The following STOX1 variants were observed in gnomAD, a reference collection of about 807,000 sequenced individuals.
The protein encoded by STOX1 is storkhead-box protein 1.
Under a neutral mutation model 74.8 loss-of-function variants are expected in STOX1, and 57 were observed. The observed-to-expected ratio is 0.76, with a 90% CI of 0.62 to 0.95. The LOEUF (loss-of-function observed/expected upper bound fraction) is 0.95. Ranked by LOEUF, STOX1 falls within the 40% of genes least tolerant of loss-of-function variation. The probability of loss-of-function intolerance (pLI) is 0.00; values close to 1 mark genes in which losing one functional copy is unlikely to be tolerated. For synonymous variants in STOX1, 375 were observed against 401.3 expected (o/e 0.93, Z 0.78); for missense variants, 1,010 against 1,117.0 (o/e 0.90, Z 1.37).
chr10:68,885,926 T>G lies in STOX1; in HGVS notation c.2130T>G (p.Asn710Lys). The G allele has an allele frequency of 6.2e-7, 1 of 1,614,094 alleles. No individual in the cohort carries two copies. Among genetic ancestry groups the G allele is most frequent in the Non-Finnish European group, 8.5e-7 (1 of 1,180,024 alleles). Residue 710 changes from asparagine to lysine, a missense_variant, in exon 3 of 4, where the codon AAT becomes AAG. Transcript: ENST00000298596. ...VQDAETTSLE[N>K]EQLSNDDQAL... ...ATGCAGAGACTACAAGCCTAGAAAA[T>G]GAACAGCTTTCTAACGATGACCAGG...
At chr10:68,872,724 G>A (rs1385007889) in intron 1 of STOX1, among the ~76,000 whole-genome samples, 1 of 152,062 alleles carries the variant, frequency 6.6e-6, no homozygotes, top group East Asian at 1.9e-4. Context: ...TAGGATGTGG[G>A]TGCTTTTTGA....
downstream of STOX1, among the ~76,000 whole-genome samples, chr10:68,895,090 A>G (rs1207017806): frequency 2.6e-5 from 4 of 152,188 alleles, no homozygotes; most frequent in Admixed American, 6.5e-5. Flanking sequence ...TGAATTTCCC[A>G]TTGTTTAGGG....
chr10:68,888,593 G>T (rs1486735579), intron 3 of STOX1, among the ~76,000 whole-genome samples: 1 of 147,838 alleles, frequency 6.8e-6, no homozygotes, highest in African/African-American at 2.5e-5. Context: ...TTTCTCAAAG[G>T]TCATTCTAAA....
chr10:68,861,158 A>C (rs1185510366), intron 1 of STOX1, among the ~76,000 whole-genome samples: 1 of 152,120 alleles, frequency 6.6e-6, no homozygotes, highest in African/African-American at 2.4e-5. Context: ...ACACAGACAC[A>C]GAAGTAGAGT....
intron 1 of STOX1, among the ~76,000 whole-genome samples, chr10:68,869,281 G>GTAA (rs1840480120): frequency 6.6e-6 from 1 of 152,192 alleles, no homozygotes; most frequent in South Asian, 2.1e-4. Flanking sequence ...GTTTGCTCTT[G>GTAA]TAACCTTTGT....
chr10:68,861,213 TCAAA>T (rs1342969840), intron 1 of STOX1, among the ~76,000 whole-genome samples: 1 of 152,090 alleles, frequency 6.6e-6, no homozygotes, highest in African/African-American at 2.4e-5. Context: ...GCTGAGAGCC[TCAAA>T]CAGAGTTTGA....
At chr10:68,871,796 T>G (rs912531999) in intron 1 of STOX1, among the ~76,000 whole-genome samples, 2 of 152,224 alleles carry the variant, frequency 1.3e-5, no homozygotes, top group Non-Finnish European at 2.9e-5. Context: ...CTATTTGAAG[T>G]TGTAACACAA....
chr10:68,829,664 G>C (rs1011191075), intron 1 of STOX1, among the ~76,000 whole-genome samples: 1 of 152,080 alleles, frequency 6.6e-6, no homozygotes, highest in Non-Finnish European at 1.5e-5. Context: ...CCAGCAGCCA[G>C]TGCTTTAAAC....
intron 1 of STOX1, among the ~76,000 whole-genome samples, chr10:68,837,861 C>A (rs61869914): frequency 0.033 from 5,056 of 151,738 alleles, 132 homozygotes; most frequent in Middle Eastern, 0.061. Context: ...CAATAAGATA[C>A]CATCTATGCA....
At position 68,885,563 on chromosome 10, in the gene STOX1, C is replaced by T; in HGVS notation, c.1767C>T (p.Ser589=). The T allele has an allele frequency of 1.1e-5, 18 of 1,614,174 alleles. No individual in the cohort carries two copies. Among genetic ancestry groups the T allele is most frequent in the Non-Finnish European group, 1.4e-5 (17 of 1,180,026 alleles). The stretch of plus-strand genomic sequence containing the variant: ...ACCTCTTCAGTCACCCTCAACAGAG[C>T]ATGTTGCAAAATGATGGTAAATGCT... ...RGHLFSHPQQ[S]MLQNDGKCCP... The change falls in exon 3 of 4, where the codon AGC becomes AGT. Residue 589 remains serine (S), a synonymous_variant. Transcript: ENST00000298596.
intron 1 of STOX1, among the ~76,000 whole-genome samples, chr10:68,869,096 T>C (rs1191908211): frequency 2.0e-5 from 3 of 152,162 alleles, no homozygotes; most frequent in Admixed American, 6.5e-5. Context: ...TTCTTCCTCG[T>C]GATGGTCCTG....
At chr10:68,874,715 G>A (rs1840634108) in intron 1 of STOX1, among the ~76,000 whole-genome samples, 1 of 151,430 alleles carries the variant, frequency 6.6e-6, no homozygotes, top group African/African-American at 2.4e-5. Context: ...GGGAGGTCAG[G>A]ATTTAAACAA....
intron 1 of STOX1, among the ~76,000 whole-genome samples, chr10:68,829,437 A>C (rs1839350113): frequency 1.3e-5 from 2 of 152,222 alleles, no homozygotes; most frequent in Non-Finnish European, 2.9e-5. Context: ...GAATCGCTTG[A>C]ATCCAGGAGG....
At chr10:68,860,327 T>A (rs1249380877) in intron 1 of STOX1, among the ~76,000 whole-genome samples, 1 of 150,252 alleles carries the variant, frequency 6.7e-6, no homozygotes, top group Admixed American at 6.6e-5. Context: ...ATCTCAGCAC[T>A]TTGGGAGGCT....
intron 1 of STOX1, among the ~76,000 whole-genome samples, chr10:68,848,861 G>A (rs369985795): frequency 4.6e-4 from 70 of 152,224 alleles, no homozygotes; most frequent in African/African-American, 1.7e-3. Flanking sequence ...GTAGAGTTGA[G>A]TTCTTGCTGT....
chr10:68,854,231 G>A (rs1380482853), intron 1 of STOX1, among the ~76,000 whole-genome samples: 3 of 151,858 alleles, frequency 2.0e-5, no homozygotes, highest in Non-Finnish European at 4.4e-5. Context: ...CTGACTTCAG[G>A]TGATCCACCC....
At chr10:68,828,953 C>A in intron 1 of STOX1, 1 of 985,280 alleles carries the variant, frequency 1.0e-6, no homozygotes, top group Non-Finnish European at 1.2e-6. Flanking sequence ...TAAACCACCG[C>A]ACCCGTGAGT....
chr10:68,842,698 C>G (rs934892283), intron 1 of STOX1, among the ~76,000 whole-genome samples: 9 of 150,694 alleles, frequency 6.0e-5, no homozygotes, highest in Non-Finnish European at 1.3e-4. Context: ...CGCCACCACA[C>G]CTGGCTCATT....
chr10:68,847,405 G>GGTTTTGTTTTGTTTT lies in STOX1; in HGVS notation c.310+19483_310+19497dup, dbSNP rs60685330. ...TGGATTTGGGGATTGGAAGGTAGAA[G>GGTTTTGTTTTGTTTT]GTTTTGTTTTGTTTTGTTTTGTTTT... On this transcript the variant is annotated intron_variant, in intron 1 of 3. Transcript: ENST00000298596. 4.1e-3 allele frequency among the ~76,000 whole-genome samples: 621 copies of GGTTTTGTTTTGTTTT among 150,786 alleles called. 6 individuals carry two copies. The highest frequency in any genetic ancestry group is 8.4e-3 in the Admixed American group (127 of 15,092).
Sources: allele counts gnomAD v4.1 joint callset (sites outside exome capture counted in the v4.1 genomes callset), GRCh38; gene constraint gnomAD v4.1.1; transcripts MANE v1.5; gene names NCBI Gene and HGNC (gene_info 2026-07-23, HGNC 2026-07-21).